Variants in NKAIN3 observed in about 807,000 individuals in gnomAD.
The protein encoded by NKAIN3 is sodium/potassium-transporting ATPase subunit beta-1-interacting protein 3.
Under a neutral mutation model 30.2 loss-of-function variants are expected in NKAIN3, and 25 were observed. That is an observed-to-expected ratio of 0.83 (90% CI 0.60 to 1.16). The LOEUF is 1.16. NKAIN3 is among the 50% of genes most tolerant of loss of function. The pLI is 0.00. For missense variants in NKAIN3, 225 were observed against 254.1 expected, an observed-to-expected ratio of 0.89 and a Z score of 0.78; for synonymous variants, 91 against 89.6, an observed-to-expected ratio of 1.02 and a Z score of -0.09.
At chr8:62,424,813 G>A (rs1177422186) in intron 1 of NKAIN3, among the ~76,000 whole-genome samples, 1 of 151,848 alleles carries the variant, frequency 6.6e-6, no homozygotes, top group Non-Finnish European at 1.5e-5. Flanking sequence ...CAAAAGAACT[G>A]AAATTGGAAT....
chr8:62,549,840 A>C (rs1328469151), intron 1 of NKAIN3, among the ~76,000 whole-genome samples: 1 of 150,980 alleles, frequency 6.6e-6, no homozygotes, highest in East Asian at 1.9e-4. Flanking sequence ...TGCATACCTG[A>C]ACGTGTATAC....
chr8:62,752,909 G>A (rs1202000262), intron 4 of NKAIN3, among the ~76,000 whole-genome samples: 1 of 152,050 alleles, frequency 6.6e-6, no homozygotes, highest in African/African-American at 2.4e-5. Flanking sequence ...AATTATTTCT[G>A]ATGCAGACGC....
chr8:62,913,128 G>A (rs1586340228), intron 4 of NKAIN3, among the ~76,000 whole-genome samples: 1 of 141,498 alleles, frequency 7.1e-6, no homozygotes, highest in South Asian at 2.5e-4. Context: ...TGAAGGAACT[G>A]CCTGAGGCTG....
chr8:62,979,750 C>A lies in NKAIN3; in HGVS notation c.*14343C>A, dbSNP rs1345211109. 3 of 152,242 alleles carry A rather than the reference C, an allele frequency of 2.0e-5. No individual in the cohort carries two copies. The highest frequency in any genetic ancestry group is 4.4e-5 in the Non-Finnish European group (3 of 68,048). 9.4% of individuals were successfully genotyped at this position (152,242 alleles called of 1,614,324 possible). ...TCTCAGTCTAGTCTTCTTTCCTCTG[C>A]ACTTGGTGGCCATCAGCTGTAACAA... On this transcript the variant is annotated 3_prime_UTR_variant, in exon 7 of 7. Transcript: ENST00000623646.
At chr8:62,443,807 A>G (rs1320512405) in intron 1 of NKAIN3, among the ~76,000 whole-genome samples, 1 of 151,990 alleles carries the variant, frequency 6.6e-6, no homozygotes, top group Non-Finnish European at 1.5e-5. Flanking sequence ...ACTAATATGT[A>G]TATCTCATAG....
chr8:62,933,906 A>G (rs1230178196), intron 5 of NKAIN3, among the ~76,000 whole-genome samples: 2 of 152,228 alleles, frequency 1.3e-5, no homozygotes, highest in African/African-American at 4.8e-5. Flanking sequence ...CAGTAATTGA[A>G]AAATTACAAA....
intron 4 of NKAIN3, among the ~76,000 whole-genome samples, chr8:62,775,959 G>A (rs996503619): frequency 6.6e-6 from 1 of 151,818 alleles, no homozygotes; most frequent in South Asian, 2.1e-4. Context: ...ATTTATCTGG[G>A]TACACATATA....
intron 3 of NKAIN3, among the ~76,000 whole-genome samples, chr8:62,684,805 A>G (rs1004178407): frequency 6.6e-6 from 1 of 152,292 alleles, no homozygotes; most frequent in African/African-American, 2.4e-5. Flanking sequence ...AAAGGAGATT[A>G]TGACACAGAC....
At chr8:62,313,692 T>C (rs1248198584) in intron 1 of NKAIN3, among the ~76,000 whole-genome samples, 1 of 152,168 alleles carries the variant, frequency 6.6e-6, no homozygotes, top group Non-Finnish European at 1.5e-5. Flanking sequence ...ATATTTCACT[T>C]ACAGTTCCAA....
chr8:62,671,032 A>G (rs1201966768), intron 3 of NKAIN3, among the ~76,000 whole-genome samples: 1 of 152,188 alleles, frequency 6.6e-6, no homozygotes, highest in African/African-American at 2.4e-5. Flanking sequence ...TATGTAAAAA[A>G]GAAGCTATAT....
chr8:62,340,928 GAC>G (rs1815723114), intron 1 of NKAIN3, among the ~76,000 whole-genome samples: 1 of 152,028 alleles, frequency 6.6e-6, no homozygotes, highest in South Asian at 2.1e-4. Flanking sequence ...CTTCAAAACA[GAC>G]ATGAGATACA....
In NKAIN3 at chr8:62,980,037, C is replaced by G. The variant is rs1453397812; in HGVS notation, c.*14630C>G. ...CTCAGGGCAAATAGGAAATCCTAGA[C>G]CTCAGATCACTGTTCTTTGCTTCCC... On this transcript the variant is annotated 3_prime_UTR_variant, in exon 7 of 7. Transcript: ENST00000623646. 3 of 152,224 alleles carry G rather than the reference C, an allele frequency of 2.0e-5. No homozygotes were observed. Among genetic ancestry groups the G allele is most frequent in the Non-Finnish European group, 1.5e-5 (1 of 68,062 alleles). 9.4% of individuals were successfully genotyped at this position (152,224 alleles called of 1,614,324 possible).
chr8:62,649,343 G>A (rs1254616275), intron 3 of NKAIN3, among the ~76,000 whole-genome samples: 1 of 152,164 alleles, frequency 6.6e-6, no homozygotes, highest in Admixed American at 6.5e-5. Flanking sequence ...TGGTCCAACT[G>A]CAAACAATTG....
chr8:62,987,653 A>C (rs548485438), downstream of NKAIN3, among the ~76,000 whole-genome samples: 1 of 151,786 alleles, frequency 6.6e-6, no homozygotes, highest in African/African-American at 2.4e-5. Context: ...TGATTCAATA[A>C]CCTCCCACTG....
intron 1 of NKAIN3, among the ~76,000 whole-genome samples, chr8:62,480,595 A>G (rs567873212): frequency 1.3e-5 from 2 of 152,136 alleles, no homozygotes; most frequent in South Asian, 4.2e-4. Flanking sequence ...ACAGGAGAGA[A>G]AAAGCCCGAC....
intron 3 of NKAIN3, among the ~76,000 whole-genome samples, chr8:62,666,165 A>G (rs1355759532): frequency 6.6e-6 from 1 of 152,178 alleles, no homozygotes; most frequent in Non-Finnish European, 1.5e-5. Context: ...GTGAGCCGAG[A>G]TCACGCCACT....
chr8:62,965,620 TAAAAAAA>T lies in NKAIN3; in HGVS notation c.*223_*229del. On this transcript the variant is annotated 3_prime_UTR_variant, in exon 7 of 7. Transcript: ENST00000623646. ...TTCTTATATGAACACTTGTAAGTTG[TAAAAAAA>T]AAAAAAAAAGAAAAAACAGAATTTG... The T allele has an allele frequency of 1.1e-6, 1 of 885,930 alleles. No individual in the cohort carries two copies. Among genetic ancestry groups the T allele is most frequent in the African/African-American group, 2.0e-5 (1 of 50,364 alleles). 54.9% of individuals were successfully genotyped at this position (885,930 alleles called of 1,614,324 possible).
intron 1 of NKAIN3, among the ~76,000 whole-genome samples, chr8:62,408,584 TA>T (rs1585774769): frequency 6.6e-6 from 1 of 152,224 alleles, no homozygotes; most frequent in African/African-American, 2.4e-5. Flanking sequence ...TATAGACATT[TA>T]TTTTTTTCTC....
intron 1 of NKAIN3, among the ~76,000 whole-genome samples, chr8:62,416,635 C>A (rs904578309): frequency 1.3e-5 from 2 of 152,142 alleles, no homozygotes; most frequent in Admixed American, 6.5e-5. Flanking sequence ...TCCATCCCCT[C>A]AAGTATTTAT....
Sources: allele counts gnomAD v4.1 joint callset (sites outside exome capture counted in the v4.1 genomes callset), GRCh38; gene constraint gnomAD v4.1.1; transcripts MANE v1.5; gene names NCBI Gene and HGNC (gene_info 2026-07-23, HGNC 2026-07-21).